ST3GAL4: variants seen among roughly 807,000 people sequenced by gnomAD.
The protein encoded by ST3GAL4 is ST3 beta-galactoside alpha-2,3-sialyltransferase 4.
A neutral mutation model predicts 42.6 loss-of-function variants in ST3GAL4; 24 were observed. The observed-to-expected ratio is 0.56, with a 90% CI of 0.41 to 0.79. The LOEUF is 0.79. ST3GAL4 is among the 30% of genes least tolerant of loss of function. The pLI is 0.00. For synonymous variants in ST3GAL4, 135 were observed against 163.2 expected, an observed-to-expected ratio of 0.83 and a Z score of 1.32; for missense variants, 311 against 430.8, an observed-to-expected ratio of 0.72 and a Z score of 2.46.
chr11:126,406,612 G>GATGGAGCATC lies in ST3GAL4; in HGVS notation c.101+63_101+72dup. 6.2e-7 allele frequency: 1 copy of GATGGAGCATC among 1,607,064 alleles called. No homozygotes were observed. The highest frequency in any genetic ancestry group is 8.5e-7 in the Non-Finnish European group (1 of 1,175,678). On this transcript the variant is annotated intron_variant, in intron 3 of 10. Coordinates refer to ENST00000444328, the MANE Select transcript of ST3GAL4 (RefSeq NM_001254757.2). The surrounding 1 kb of genome is among the most constrained non-coding windows in gnomAD (Gnocchi z 5.4). Reference sequence around the variant, plus strand: ...GCTCTTGTCAGGGACAGGGCTTAGGGATGGAGCATCATGGAGCGGGGGACC... The same window carrying GATGGAGCATC: ...GCTCTTGTCAGGGACAGGGCTTAGGGATGGAGCATCATGGAGCATCATGGAGCGGGGGACC...
chr11:126,407,710 C>T, intron 6 of ST3GAL4, 76 bp downstream of exon 6: 1 of 1,371,360 alleles, frequency 7.3e-7, no homozygotes, highest in South Asian at 1.3e-5. Context: ...CCACTCCCCA[C>T]CCCCCCGCTC....
chr11:126,401,983 G>GA (rs1185409231), intron 1 of ST3GAL4, among the ~76,000 whole-genome samples: 1 of 151,592 alleles, frequency 6.6e-6, no homozygotes, highest in Non-Finnish European at 1.5e-5. Flanking sequence ...ATAAGTCAGA[G>GA]AATAGAGAAG....
intron 1 of ST3GAL4, among the ~76,000 whole-genome samples, chr11:126,368,779 G>A (rs530389357): frequency 9.2e-5 from 14 of 152,338 alleles, no homozygotes; most frequent in African/African-American, 2.9e-4. Flanking sequence ...TGCTTCTGGC[G>A]ATGCCCAGGC....
rs527758854 is a variant in ST3GAL4 at position 126,409,554 on chromosome 11, A to T, written c.771+143A>T. ...TCCCTCCAGGAACACACCTGTCATTAAAGTTGCTGCTGCAAAGGGGAGTGC... is the reference window on the plus strand; with the variant it reads ...TCCCTCCAGGAACACACCTGTCATTTAAGTTGCTGCTGCAAAGGGGAGTGC... On this transcript the variant is annotated intron_variant, in intron 9 of 10. Coordinates refer to ENST00000444328, the MANE Select transcript of ST3GAL4 (RefSeq NM_001254757.2). The surrounding 1 kb of genome is among the most constrained non-coding windows in gnomAD (Gnocchi z 4.9). 920 of 1,178,824 alleles carry T rather than the reference A, an allele frequency of 7.8e-4. No homozygotes were observed. Among genetic ancestry groups the T allele is most frequent in the Non-Finnish European group, 1.1e-3 (883 of 837,740 alleles). 73.0% of individuals were successfully genotyped at this position (1,178,824 alleles called of 1,614,324 possible).
chr11:126,356,276 C>T (rs1952058836), intron 1 of ST3GAL4: 1 of 152,552 alleles, frequency 6.6e-6, no homozygotes, highest in African/African-American at 2.4e-5. Flanking sequence ...GTGCAGGAGT[C>T]GCAAGGTCGC....
At chr11:126,360,945 A>G (rs1952222022) in intron 1 of ST3GAL4, among the ~76,000 whole-genome samples, 1 of 152,164 alleles carries the variant, frequency 6.6e-6, no homozygotes, top group Admixed American at 6.5e-5. Flanking sequence ...GTCTGGCCCC[A>G]TCTGTGTGCT....
intron 1 of ST3GAL4, among the ~76,000 whole-genome samples, chr11:126,390,437 C>T (rs1040798084): frequency 1.1e-4 from 16 of 151,932 alleles, no homozygotes; most frequent in African/African-American, 3.9e-4. Flanking sequence ...CATATTCAGC[C>T]TCACTAGATA....
chr11:126,413,339 T>C (rs1197819174), intron 9 of ST3GAL4, 166 bp from the exon 10 acceptor site: 1 of 637,328 alleles, frequency 1.6e-6, no homozygotes, highest in Admixed American at 3.2e-5. Flanking sequence ...GTTCCTCAGC[T>C]GCACTGGCCC....
intron 1 of ST3GAL4, among the ~76,000 whole-genome samples, chr11:126,390,628 T>TTA (rs973876259): frequency 6.6e-6 from 1 of 151,200 alleles, no homozygotes; most frequent in Non-Finnish European, 1.5e-5. Context: ...CTTTTTTTTT[T>TTA]TTTTTTTTTA....
chr11:126,409,544 AC>A lies in ST3GAL4; in HGVS notation c.771+135del. On this transcript the variant is annotated intron_variant, in intron 9 of 10. Coordinates refer to ENST00000444328, the MANE Select transcript of ST3GAL4 (RefSeq NM_001254757.2). This position sits in a 1 kb window ranked among gnomAD's most constrained non-coding sequence, Gnocchi z 4.9. ...GTTTGCATTTTCCCTCCAGGAACAC[AC>A]CTGTCATTAAAGTTGCTGCTGCAAA... 1 of 1,246,080 alleles carries A rather than the reference AC, an allele frequency of 8.0e-7. No homozygotes were observed. The highest frequency in any genetic ancestry group is 1.1e-6 in the Non-Finnish European group (1 of 893,770). 77.2% of individuals were successfully genotyped at this position (1,246,080 alleles called of 1,614,324 possible). A position where few individuals can be genotyped will look rare whatever the true frequency, so the allele number is the denominator to read the frequency against.
Position 126,383,868 on chromosome 11 carries a change from T to C in ST3GAL4, c.-60-22228T>C, listed in dbSNP as rs1025169648. Among the ~76,000 whole-genome samples, 6 of 152,128 alleles carry C rather than the reference T, an allele frequency of 3.9e-5. No homozygotes were observed. Among genetic ancestry groups the C allele is most frequent in the African/African-American group, 1.4e-4 (6 of 41,450 alleles). On this transcript the variant is annotated intron_variant, in intron 1 of 10. Transcript: ENST00000444328. This position sits in a 1 kb window ranked among gnomAD's most constrained non-coding sequence, Gnocchi z 4.5. ...TCCCTCCCTCATGGCCCACCTTTAC[T>C]CTGAGGGGGTGGGCTTCCTGCGGGG...
At chr11:126,358,353 G>A (rs1330879211) in intron 1 of ST3GAL4, 5 of 348,986 alleles carry the variant, frequency 1.4e-5, no homozygotes, top group African/African-American at 6.5e-5. Context: ...GAAATGGTGA[G>A]TGTAGGCAGA....
intron 1 of ST3GAL4, among the ~76,000 whole-genome samples, chr11:126,377,148 A>G (rs1952852810): frequency 6.6e-6 from 1 of 152,148 alleles, no homozygotes; most frequent in African/African-American, 2.4e-5. Context: ...GTTTTCGGTA[A>G]TACCTGATTT....
rs182842455 is a variant in ST3GAL4 at position 126,386,611 on chromosome 11, C to T, written c.-60-19485C>T. Among the ~76,000 whole-genome samples, 692 of 152,210 alleles carry T rather than the reference C, an allele frequency of 4.5e-3. 4 individuals are homozygous for T. Among genetic ancestry groups the T allele is most frequent in the African/African-American group, 0.014 (602 of 41,542 alleles). The stretch of plus-strand genomic sequence containing the variant: ...CTGTGCCGGAATTAGGAAGTGGGTA[C>T]AGCTGGACAAAAGGTGGCTGGAGCC... On this transcript the variant is annotated intron_variant, in intron 1 of 10. Transcript: ENST00000444328. This position sits in a 1 kb window ranked among gnomAD's most constrained non-coding sequence, Gnocchi z 4.7.
intron 1 of ST3GAL4, among the ~76,000 whole-genome samples, chr11:126,357,020 A>C (rs1952094617): frequency 1.3e-5 from 2 of 152,332 alleles, no homozygotes; most frequent in South Asian, 2.1e-4. Context: ...GAGCTGTATA[A>C]ATATTCACTA....
chr11:126,370,679 T>C (rs78320407), intron 1 of ST3GAL4, among the ~76,000 whole-genome samples: 14 of 148,474 alleles, frequency 9.4e-5, no homozygotes, highest in Admixed American at 8.7e-4. Flanking sequence ...CTCCATTCCT[T>C]TTTTTTTTTT....
chr11:126,401,647 A>G (rs919776641), intron 1 of ST3GAL4, among the ~76,000 whole-genome samples: 1 of 152,118 alleles, frequency 6.6e-6, no homozygotes, highest in African/African-American at 2.4e-5. Flanking sequence ...CCTGAAGGGA[A>G]TCTTGACCTT....
intron 1 of ST3GAL4, among the ~76,000 whole-genome samples, chr11:126,356,538 C>T (rs1327593173): frequency 6.6e-6 from 1 of 152,226 alleles, no homozygotes; most frequent in African/African-American, 2.4e-5. Context: ...CCCCTCCATT[C>T]CCAGTCCTGG....
rs1370501238 is a variant in ST3GAL4, at chr11:126,378,796, A to C, written c.-61+22954A>C. 1.3e-5 allele frequency among the ~76,000 whole-genome samples: 2 copies of C among 152,132 alleles called. No individual in the cohort carries two copies. Among genetic ancestry groups the C allele is most frequent in the East Asian group, 3.9e-4 (2 of 5,194 alleles). On this transcript the variant is annotated intron_variant, in intron 1 of 10. Transcript: ENST00000444328. The surrounding 1 kb of genome is among the most constrained non-coding windows in gnomAD (Gnocchi z 5.3). The stretch of plus-strand genomic sequence containing the variant: ...TTTCCTGTAGCATTTCCATTGAACC[A>C]ATGTCTAGTTCTAGTAAGTTCTCTG...
Sources: gnomAD v4.1 joint callset for allele counts (sites outside exome capture counted in the v4.1 genomes callset) on GRCh38, gnomAD v4.1.1 for gene constraint, Gnocchi (gnomAD v3.1) non-coding constraint, MANE v1.5 for transcripts, NCBI Gene and HGNC (gene_info 2026-07-23, HGNC 2026-07-21) for gene names.